The following WWTR1 variants were observed in gnomAD, a reference collection of about 807,000 sequenced individuals.
The protein encoded by WWTR1 is WW domain-containing transcription regulator protein 1.
WWTR1 carries 13 observed loss-of-function variants against 40.1 expected under a neutral mutation model. That is an observed-to-expected ratio of 0.32 (90% CI 0.21 to 0.52). WWTR1 has a LOEUF of 0.52. Ranked by LOEUF, WWTR1 falls within the 20% of genes least tolerant of loss-of-function variation. The pLI is 0.97. For synonymous variants in WWTR1, 230 were observed against 210.1 expected (o/e 1.09, Z -0.82); for missense variants, 436 against 523.1 (o/e 0.83, Z 1.63).
intron 2 of WWTR1, among the ~76,000 whole-genome samples, chr3:149,628,079 A>T (rs1472472428): frequency 4.6e-5 from 7 of 151,552 alleles, no homozygotes; most frequent in Non-Finnish European, 1.5e-5. Context: ...GTCTCGAAAA[A>T]AAAAAAAAAA....
intron 2 of WWTR1, among the ~76,000 whole-genome samples, chr3:149,577,461 C>T (rs1217963101): frequency 6.6e-6 from 1 of 152,104 alleles, no homozygotes; most frequent in Admixed American, 6.5e-5. Context: ...TTTTCCCCTT[C>T]CTTCAAGAGC....
At chr3:149,684,176 A>G (rs1251494327) in intron 1 of WWTR1, among the ~76,000 whole-genome samples, 1 of 151,578 alleles carries the variant, frequency 6.6e-6, no homozygotes, top group Non-Finnish European at 1.5e-5. Context: ...TTTTATTTAG[A>G]AAATATATAT....
At chr3:149,688,329 C>T (rs1200748891) in intron 1 of WWTR1, among the ~76,000 whole-genome samples, 2 of 152,054 alleles carry the variant, frequency 1.3e-5, no homozygotes, top group East Asian at 3.9e-4. Context: ...TTGGGCGAGA[C>T]CCAGTACTTT....
intron 1 of WWTR1, among the ~76,000 whole-genome samples, chr3:149,679,067 G>A (rs1289305357): frequency 6.6e-6 from 1 of 152,092 alleles, no homozygotes; most frequent in East Asian, 1.9e-4. Flanking sequence ...CTGACCTCCG[G>A]TGATCTGCCC....
chr3:149,585,393 C>T (rs1447047143), intron 2 of WWTR1, among the ~76,000 whole-genome samples: 1 of 152,118 alleles, frequency 6.6e-6, no homozygotes, highest in Non-Finnish European at 1.5e-5. Flanking sequence ...CCTCGGCCTC[C>T]CAAAGTGCTG....
chr3:149,706,957 C>T (rs1411970126), upstream of WWTR1, among the ~76,000 whole-genome samples: 2 of 152,106 alleles, frequency 1.3e-5, no homozygotes, highest in Non-Finnish European at 2.9e-5. Flanking sequence ...GGTCTGACAG[C>T]CATTTTTATT....
intron 3 of WWTR1, among the ~76,000 whole-genome samples, chr3:149,556,126 G>A (rs1210801914): frequency 2.6e-5 from 4 of 152,244 alleles, no homozygotes; most frequent in Non-Finnish European, 5.9e-5. Context: ...TGCCTGTGGT[G>A]AGCACTGTGG....
At chr3:149,546,488 G>A (rs1736370979) in intron 3 of WWTR1, among the ~76,000 whole-genome samples, 1 of 152,182 alleles carries the variant, frequency 6.6e-6, no homozygotes, top group African/African-American at 2.4e-5. Context: ...ACTAGTTGTG[G>A]TTAGAAAAGG....
intron 2 of WWTR1, among the ~76,000 whole-genome samples, chr3:149,590,922 T>A (rs1738683777): frequency 6.6e-6 from 1 of 151,894 alleles, no homozygotes; most frequent in African/African-American, 2.4e-5. Context: ...CTTGCTTCAA[T>A]AACACACCAC....
At chr3:149,662,910 T>C (rs575821944), upstream of WWTR1, among the ~76,000 whole-genome samples, 20 of 152,300 alleles carry the variant, frequency 1.3e-4, no homozygotes, top group African/African-American at 4.6e-4. Context: ...TGAATTCTGC[T>C]CAAAATTGTC....
intron 3 of WWTR1, among the ~76,000 whole-genome samples, chr3:149,544,059 C>G (rs911754915): frequency 4.0e-5 from 6 of 151,856 alleles, no homozygotes; most frequent in African/African-American, 1.5e-4. Flanking sequence ...GAAGCCACCA[C>G]GCCTGGTGGC....
At chr3:149,592,882 A>AGG (rs1193006194) in intron 2 of WWTR1, among the ~76,000 whole-genome samples, 3 of 152,018 alleles carry the variant, frequency 2.0e-5, no homozygotes, top group Non-Finnish European at 4.4e-5. Flanking sequence ...AAGGCCTTGA[A>AGG]CCCAGCTGTT....
At chr3:149,598,387 G>A (rs1739098860) in intron 2 of WWTR1, among the ~76,000 whole-genome samples, 1 of 152,170 alleles carries the variant, frequency 6.6e-6, no homozygotes, top group Non-Finnish European at 1.5e-5. Context: ...TCTTATAAAT[G>A]AGGAAACTGA....
At chr3:149,719,762 C>A (rs1259457541) in intron 4 of WWTR1, among the ~76,000 whole-genome samples, 1 of 152,182 alleles carries the variant, frequency 6.6e-6, no homozygotes, top group East Asian at 1.9e-4. Flanking sequence ...TCTCCACATA[C>A]CCTGCAAACA....
At chr3:149,576,039 T>TC (rs1275160461) in intron 2 of WWTR1, 3 of 456,490 alleles carry the variant, frequency 6.6e-6, no homozygotes, top group Non-Finnish European at 1.3e-5. Context: ...CTCACAGCAT[T>TC]CCCCAAAGGC....
chr3:149,549,896 T>C (rs1736539500), intron 3 of WWTR1, among the ~76,000 whole-genome samples: 1 of 152,066 alleles, frequency 6.6e-6, no homozygotes, highest in Admixed American at 6.6e-5. Flanking sequence ...TTTGGTATTC[T>C]GTATGGGACT....
intron 3 of WWTR1, among the ~76,000 whole-genome samples, chr3:149,569,414 A>G (rs1368754397): frequency 6.6e-6 from 1 of 152,202 alleles, no homozygotes. Context: ...TTCCTCATAT[A>G]TTAATAATCC....
intron 4 of WWTR1, chr3:149,540,079 T>TACACACAC (rs202144589): frequency 0.017 from 4,597 of 271,834 alleles, 66 homozygotes; most frequent in African/African-American, 0.043. Context: ...TCCTCCTAAC[T>TACACACAC]ACACACACAC....
intron 3 of WWTR1, among the ~76,000 whole-genome samples, chr3:149,548,920 C>T (rs962564149): frequency 2.6e-5 from 4 of 152,140 alleles, no homozygotes; most frequent in African/African-American, 9.7e-5. Context: ...TGACTTTTTC[C>T]ATCCCCAGCA....
Sources: allele counts gnomAD v4.1 joint callset (sites outside exome capture counted in the v4.1 genomes callset), GRCh38; gene constraint gnomAD v4.1.1; transcripts MANE v1.5; gene names NCBI Gene and HGNC (gene_info 2026-07-23, HGNC 2026-07-21).